Variants in CNTLN observed in about 807,000 individuals in gnomAD.
The protein encoded by CNTLN is centlein.
CNTLN carries 212 observed loss-of-function variants against 180.0 expected under a neutral mutation model. The observed-to-expected ratio is 1.18, with a 90% CI of 1.05 to 1.32. The LOEUF is 1.32. CNTLN is among the 40% of genes most tolerant of loss of function. CNTLN has a pLI of 0.00. For synonymous variants in CNTLN, 722 were observed against 563.1 expected (o/e 1.28, Z -3.99); for missense variants, 2,095 against 1,610.9 (o/e 1.30, Z -5.14).
intron 12 of CNTLN, among the ~76,000 whole-genome samples, chr9:17,351,533 A>C (rs1399492948): frequency 2.0e-5 from 3 of 152,174 alleles, no homozygotes; most frequent in Admixed American, 1.3e-4. Context: ...CAAACCAGAA[A>C]CCATGGTGTT....
In CNTLN at chr9:17,185,073, C is replaced by G. The variant is rs77824071; in HGVS notation, c.450-41130C>G. On this transcript the variant is annotated intron_variant, in intron 2 of 25. Coordinates refer to ENST00000380647, the MANE Select transcript of CNTLN (RefSeq NM_017738.4). ...GCCAAATGCTCCTTTGTTAGAGATT[C>G]TTAAGCTGGTGTGAATGTTTTCATT... Among the ~76,000 whole-genome samples the G allele has an allele frequency of 5.5e-3, 838 of 152,246 alleles. 5 individuals are homozygous for G. The highest frequency in any genetic ancestry group is 0.019 in the African/African-American group (777 of 41,558).
chr9:17,246,200 G>A (rs1179603249), intron 5 of CNTLN, among the ~76,000 whole-genome samples: 2 of 152,050 alleles, frequency 1.3e-5, no homozygotes, highest in Non-Finnish European at 2.9e-5. Context: ...CCTAGTATTC[G>A]AAGGGACTTG....
chr9:17,506,978 G>A (rs1363966941), downstream of CNTLN, among the ~76,000 whole-genome samples: 1 of 152,042 alleles, frequency 6.6e-6, no homozygotes, highest in Non-Finnish European at 1.5e-5. Context: ...TTTGTCTTAA[G>A]AACATTCAAA....
At chr9:17,415,053 T>C (rs1300180871) in intron 16 of CNTLN, among the ~76,000 whole-genome samples, 1 of 151,254 alleles carries the variant, frequency 6.6e-6, no homozygotes, top group Non-Finnish European at 1.5e-5. Flanking sequence ...GCCACTGTAC[T>C]CCAGCCTGAG....
At chr9:17,522,209 A>T in the CNTLN span, among the ~76,000 whole-genome samples, 2 of 152,196 alleles carry the variant, frequency 1.3e-5, no homozygotes, top group African/African-American at 4.8e-5. Flanking sequence ...AGTGCCTGCC[A>T]CATAGTAAAT....
chr9:17,312,676 T>C (rs1278967680), intron 8 of CNTLN, among the ~76,000 whole-genome samples: 2 of 151,482 alleles, frequency 1.3e-5, no homozygotes, highest in Non-Finnish European at 2.9e-5. Flanking sequence ...GTGCTGGGAT[T>C]ACAGGCGTGA....
chr9:17,421,337 C>T (rs981626700), intron 18 of CNTLN, among the ~76,000 whole-genome samples: 1 of 152,006 alleles, frequency 6.6e-6, no homozygotes, highest in East Asian at 1.9e-4. Flanking sequence ...TTCTTTCTCT[C>T]TTTATATTTT....
the CNTLN span, among the ~76,000 whole-genome samples, chr9:17,523,358 C>A: frequency 5.9e-5 from 9 of 152,152 alleles, no homozygotes; most frequent in South Asian, 1.7e-3. Context: ...GCCTTAGCCC[C>A]CTTGAGTAGC....
chr9:17,370,908 T>G (rs1044785085), intron 13 of CNTLN, among the ~76,000 whole-genome samples: 2 of 152,132 alleles, frequency 1.3e-5, no homozygotes, highest in African/African-American at 4.8e-5. Flanking sequence ...ATATATATAA[T>G]GGGTTGCAAC....
chr9:17,489,861 A>T (rs1833061246), intron 25 of CNTLN, among the ~76,000 whole-genome samples: 1 of 152,170 alleles, frequency 6.6e-6, no homozygotes, highest in Non-Finnish European at 1.5e-5. Flanking sequence ...ATTTCTAGTA[A>T]TAAGAACCAC....
intron 8 of CNTLN, among the ~76,000 whole-genome samples, chr9:17,320,598 G>A (rs1183432502): frequency 6.6e-6 from 1 of 152,110 alleles, no homozygotes; most frequent in Non-Finnish European, 1.5e-5. Flanking sequence ...CGCCTCCTGG[G>A]TTCAAGTGAT....
chr9:17,166,896 G>C (rs766540928), intron 2 of CNTLN: 6 of 461,392 alleles, frequency 1.3e-5, no homozygotes, highest in South Asian at 9.6e-5. Context: ...GAAAATGTGA[G>C]ATCCAACACA....
intron 2 of CNTLN, among the ~76,000 whole-genome samples, chr9:17,224,766 C>G (rs58609969): frequency 6.6e-6 from 1 of 151,754 alleles, no homozygotes; most frequent in Non-Finnish European, 1.5e-5. Context: ...ATTCTTTTGT[C>G]TTTACGGACC....
intron 2 of CNTLN, among the ~76,000 whole-genome samples, chr9:17,197,973 T>G (rs1159317522): frequency 2.0e-5 from 3 of 152,192 alleles, no homozygotes; most frequent in African/African-American, 7.2e-5. Context: ...GTTTTCCCAG[T>G]ACCATTTATT....
intron 8 of CNTLN, among the ~76,000 whole-genome samples, chr9:17,330,378 A>G (rs973963924): frequency 6.6e-6 from 1 of 151,894 alleles, no homozygotes; most frequent in South Asian, 2.1e-4. Context: ...CATGCTTTAA[A>G]TTTTTTTCCT....
chr9:17,265,687 A>C (rs571904306), intron 5 of CNTLN, among the ~76,000 whole-genome samples: 1 of 152,098 alleles, frequency 6.6e-6, no homozygotes, highest in African/African-American at 2.4e-5. Flanking sequence ...TTTGGTTGGT[A>C]AGCTATTGAT....
At position 17,242,591 on chromosome 9, in the gene CNTLN, G is replaced by A. The variant is rs543943449; in HGVS notation, c.849+6003G>A. On this transcript the variant is annotated intron_variant, in intron 5 of 25. Coordinates refer to ENST00000380647, the MANE Select transcript of CNTLN (RefSeq NM_017738.4). ...CTCCCAAAGTGCTGGGATTACAGGC[G>A]TGAGCCACCACACCTGGCCAGGTTT... 3.9e-5 allele frequency among the ~76,000 whole-genome samples: 6 copies of A among 152,270 alleles called. No individual in the cohort carries two copies. In the South Asian group the frequency reaches 6.2e-4, roughly 16 times the overall value.
rs1176814681 is a variant in CNTLN at position 17,359,725 on chromosome 9, CAAAA to C, written c.1887-6870_1887-6867del. On this transcript the variant is annotated intron_variant, in intron 12 of 25. Transcript: ENST00000380647. ...TGAAACTCCGTCTATACTAAAAATACAAAAAAAAAAAAAAAAAAAAAAAAACTAG... is the reference window on the plus strand; with the variant it reads ...TGAAACTCCGTCTATACTAAAAATACAAAAAAAAAAAAAAAAAAAAACTAG... Among the ~76,000 whole-genome samples, 30 of 21,338 alleles carry C rather than the reference CAAAA, an allele frequency of 1.4e-3. 1 individual carries two copies. Among genetic ancestry groups the C allele is most frequent in the African/African-American group, 2.5e-3 (20 of 8,058 alleles). 14.0% of individuals were successfully genotyped at this position (21,338 alleles called of 152,430 possible). A position where few individuals can be genotyped will look rare whatever the true frequency, so the allele number is the denominator to read the frequency against.
At chr9:17,485,148 T>C (rs1473847588) in intron 24 of CNTLN, among the ~76,000 whole-genome samples, 1 of 152,162 alleles carries the variant, frequency 6.6e-6, no homozygotes, top group Non-Finnish European at 1.5e-5. Context: ...TGCTCATTCC[T>C]ATCCTACTAT....
Sources: gnomAD v4.1 joint callset for allele counts (sites outside exome capture counted in the v4.1 genomes callset) on GRCh38, gnomAD v4.1.1 for gene constraint, MANE v1.5 for transcripts, NCBI Gene and HGNC (gene_info 2026-07-23, HGNC 2026-07-21) for gene names.